The following CNTLN variants were observed in gnomAD, a reference collection of about 807,000 sequenced individuals.
The protein encoded by CNTLN is centlein.
CNTLN carries 212 observed loss-of-function variants against 180.0 expected under a neutral mutation model. The ratio of observed to expected loss-of-function variants is 1.18; its 90% CI spans 1.05 to 1.32. The LOEUF (loss-of-function observed/expected upper bound fraction) is 1.32, where lower values mean the gene tolerates loss of function less well. Ranked by LOEUF, CNTLN falls within the 40% of genes most tolerant of loss-of-function variation. The probability of loss-of-function intolerance (pLI) is 0.00; values close to 1 mark genes in which losing one functional copy is unlikely to be tolerated. For synonymous variants in CNTLN, 722 were observed against 563.1 expected, an observed-to-expected ratio of 1.28 and a Z score of -3.99; for missense variants, 2,095 against 1,610.9, an observed-to-expected ratio of 1.30 and a Z score of -5.14.
At chr9:17,314,153 T>C (rs1819391962) in intron 8 of CNTLN, among the ~76,000 whole-genome samples, 1 of 152,256 alleles carries the variant, frequency 6.6e-6, no homozygotes, top group Non-Finnish European at 1.5e-5. Context: ...CTTAAGTCTT[T>C]TATGTGAATT....
rs142921840 is a variant in CNTLN at position 17,403,120 on chromosome 9, G to C, written c.2616-6173G>C. On this transcript the variant is annotated intron_variant, in intron 15 of 25. Coordinates refer to ENST00000380647, the MANE Select transcript of CNTLN (RefSeq NM_017738.4). Reference sequence around the variant, plus strand: ...GAGGTCTGTGGGAAGGTTGGTGGAAGATTGGTGGCAGGAAGGTCTGTGGGG... The same window carrying C: ...GAGGTCTGTGGGAAGGTTGGTGGAACATTGGTGGCAGGAAGGTCTGTGGGG... 3.6e-4 allele frequency among the ~76,000 whole-genome samples: 54 copies of C among 151,858 alleles called. 1 individual carries two copies. In the Middle Eastern group the frequency reaches 0.01, roughly 29 times the overall value.
intron 18 of CNTLN, among the ~76,000 whole-genome samples, chr9:17,446,856 G>A (rs548536853): frequency 6.6e-6 from 1 of 152,206 alleles, no homozygotes; most frequent in Admixed American, 6.5e-5. Context: ...TCAAATAAAA[G>A]TATTGAAATC....
intron 12 of CNTLN, among the ~76,000 whole-genome samples, chr9:17,352,412 A>AT (rs1234189757): frequency 5.8e-3 from 91 of 15,776 alleles, no homozygotes; most frequent in East Asian, 0.015. Flanking sequence ...ATATATATAT[A>AT]TATATTTTTT....
At chr9:17,157,064 A>G (rs1181606116) in intron 2 of CNTLN, among the ~76,000 whole-genome samples, 1 of 152,232 alleles carries the variant, frequency 6.6e-6, no homozygotes, top group Non-Finnish European at 1.5e-5. Flanking sequence ...TCTCCTCGAT[A>G]GAAAATAAAG....
chr9:17,214,574 T>C (rs989008785), intron 2 of CNTLN, among the ~76,000 whole-genome samples: 21 of 152,218 alleles, frequency 1.4e-4, no homozygotes, highest in Non-Finnish European at 2.4e-4. Flanking sequence ...TGGCGTTCTC[T>C]GTATTTCCTG....
chr9:17,251,662 A>G (rs1826150987), intron 5 of CNTLN, among the ~76,000 whole-genome samples: 1 of 151,710 alleles, frequency 6.6e-6, no homozygotes, highest in Non-Finnish European at 1.5e-5. Flanking sequence ...TGTTTGTTAC[A>G]TGCATATAAT....
chr9:17,500,613 G>A (rs1297485812), intron 25 of CNTLN, among the ~76,000 whole-genome samples: 1 of 152,180 alleles, frequency 6.6e-6, no homozygotes, highest in African/African-American at 2.4e-5. Flanking sequence ...GGAGAGATCA[G>A]TGCCTGTTAG....
At chr9:17,373,385 A>G (rs1415133461) in intron 13 of CNTLN, among the ~76,000 whole-genome samples, 3 of 152,166 alleles carry the variant, frequency 2.0e-5, no homozygotes, top group Non-Finnish European at 4.4e-5. Context: ...CAGCAGCTAC[A>G]CCTAAAAGTC....
intron 2 of CNTLN, among the ~76,000 whole-genome samples, chr9:17,203,479 G>T (rs879839008): frequency 6.6e-6 from 1 of 152,094 alleles, no homozygotes; most frequent in Non-Finnish European, 1.5e-5. Context: ...ATCATTCGTA[G>T]GTTTGGTCTT....
the CNTLN span, among the ~76,000 whole-genome samples, chr9:17,511,221 A>T: frequency 6.6e-6 from 1 of 152,192 alleles, no homozygotes; most frequent in African/African-American, 2.4e-5. Context: ...GGTTGATGGG[A>T]ATTGGATCAG....
At chr9:17,419,458 A>T (rs1828530643) in intron 18 of CNTLN, among the ~76,000 whole-genome samples, 1 of 152,112 alleles carries the variant, frequency 6.6e-6, no homozygotes, top group Non-Finnish European at 1.5e-5. Flanking sequence ...CATTCTTCAG[A>T]GCTCCCTTTT....
At chr9:17,366,966 T>C (rs2099859) in intron 13 of CNTLN, among the ~76,000 whole-genome samples, 126,991 of 152,170 alleles carry the variant, frequency 0.83, 53,189 homozygotes, top group Non-Finnish European at 0.87. Context: ...GAAGACTTTA[T>C]GCTGTGGGAA....
At chr9:17,453,224 G>A (rs1475810519) in intron 18 of CNTLN, among the ~76,000 whole-genome samples, 1 of 152,028 alleles carries the variant, frequency 6.6e-6, no homozygotes. Context: ...GAGGCAGGAG[G>A]ATCCCTTGAG....
At chr9:17,297,130 C>G (rs117640979) in intron 6 of CNTLN, among the ~76,000 whole-genome samples, 1 of 152,196 alleles carries the variant, frequency 6.6e-6, no homozygotes, top group African/African-American at 2.4e-5. Flanking sequence ...GTGGTTGCAT[C>G]TGTACTGAAC....
intron 18 of CNTLN, among the ~76,000 whole-genome samples, chr9:17,417,507 A>G (rs955957488): frequency 6.6e-6 from 1 of 152,092 alleles, no homozygotes; most frequent in Admixed American, 6.6e-5. Context: ...TACAAAAAAC[A>G]TTTGAACTTT....
At chr9:17,484,935 G>A (rs1024830952) in intron 24 of CNTLN, among the ~76,000 whole-genome samples, 3 of 151,932 alleles carry the variant, frequency 2.0e-5, no homozygotes, top group African/African-American at 2.4e-5. Flanking sequence ...ACCAGTATAC[G>A]CTTTGAAAAT....
chr9:17,453,031 G>T (rs1209435536), intron 18 of CNTLN, among the ~76,000 whole-genome samples: 1 of 152,138 alleles, frequency 6.6e-6, no homozygotes, highest in East Asian at 1.9e-4. Context: ...GAAAATGGGG[G>T]TCAAGCACAG....
At chr9:17,523,353 AG>A in the CNTLN span, among the ~76,000 whole-genome samples, 1 of 151,984 alleles carries the variant, frequency 6.6e-6, no homozygotes, top group Non-Finnish European at 1.5e-5. Context: ...CTGCTGCCTT[AG>A]CCCCCTTGAG....
the CNTLN span, among the ~76,000 whole-genome samples, chr9:17,514,773 G>A: frequency 6.6e-6 from 1 of 152,282 alleles, no homozygotes; most frequent in East Asian, 1.9e-4. Flanking sequence ...ATGCCACTGA[G>A]ATTTTGTAGT....
Sources: allele counts gnomAD v4.1 joint callset (sites outside exome capture counted in the v4.1 genomes callset), GRCh38; gene constraint gnomAD v4.1.1; transcripts MANE v1.5; gene names NCBI Gene and HGNC (gene_info 2026-07-23, HGNC 2026-07-21).